The following IQCM variants were observed in gnomAD, a reference collection of about 807,000 sequenced individuals.
IQCM encodes the protein IQ motif containing M.
Under a neutral mutation model 57.6 loss-of-function variants are expected in IQCM, and 45 were observed. That is an observed-to-expected ratio of 0.78 (90% confidence interval 0.62 to 1.00). IQCM has a LOEUF of 1.00. IQCM is among the 50% of genes least tolerant of loss of function. The pLI is 0.00. For missense variants in IQCM, 468 were observed against 511.6 expected (o/e 0.91, Z 0.82); for synonymous variants, 148 against 158.9 (o/e 0.93, Z 0.51).
At chr4:149,722,410 G>T (rs1350977711) in intron 5 of IQCM, among the ~76,000 whole-genome samples, 2 of 151,956 alleles carry the variant, frequency 1.3e-5, no homozygotes, top group Admixed American at 6.6e-5. Flanking sequence ...TTTCCTTCTA[G>T]AATTTCATGG....
rs796498189 is a variant in IQCM at position 149,435,086 on chromosome 4, GT to G, written c.1229-1530del. Among the ~76,000 whole-genome samples the G allele has an allele frequency of 6.5e-4, 99 of 152,166 alleles. No individual in the cohort carries two copies. The Middle Eastern group carries it at 0.01, about 16-fold the overall frequency. On this transcript the variant is annotated intron_variant, in intron 12 of 13. Transcript: ENST00000636793. ...CAGGTGCTCTGCCTCAGACCAAGGG[GT>G]CCCTATATCTGCTCTTGTCAATTAT...
intron 7 of IQCM, among the ~76,000 whole-genome samples, chr4:149,647,891 A>G (rs1042749479): frequency 2.6e-5 from 4 of 152,136 alleles, no homozygotes; most frequent in African/African-American, 9.7e-5. Flanking sequence ...GGAATGTAAG[A>G]TCTTGGCAGT....
chr4:149,470,249 C>T (rs958076472), intron 12 of IQCM, among the ~76,000 whole-genome samples: 3 of 150,916 alleles, frequency 2.0e-5, no homozygotes, highest in African/African-American at 4.9e-5. Context: ...CAGAGACACA[C>T]ATAGGCTCAA....
chr4:149,656,373 A>G (rs1476507037), intron 7 of IQCM, among the ~76,000 whole-genome samples: 2 of 152,034 alleles, frequency 1.3e-5, no homozygotes, highest in African/African-American at 4.8e-5. Context: ...CACACCAATA[A>G]ATAAAAATAT....
chr4:149,667,084 G>A (rs1484909134), intron 7 of IQCM, among the ~76,000 whole-genome samples: 1 of 152,166 alleles, frequency 6.6e-6, no homozygotes, highest in African/African-American at 2.4e-5. Context: ...CTGCTAAGGG[G>A]ACAGACTGCC....
chr4:149,354,187 AC>A (rs1161303979), intron 13 of IQCM, among the ~76,000 whole-genome samples: 1 of 149,490 alleles, frequency 6.7e-6, no homozygotes, highest in African/African-American at 2.5e-5. Flanking sequence ...AAACGGTGAA[AC>A]CCCGTCTCTA....
intron 8 of IQCM, among the ~76,000 whole-genome samples, chr4:149,606,670 T>C (rs1039772594): frequency 3.3e-5 from 5 of 152,042 alleles, no homozygotes; most frequent in Non-Finnish European, 7.4e-5. Context: ...AGATAACACA[T>C]AGAAGGAATT....
intron 7 of IQCM, among the ~76,000 whole-genome samples, chr4:149,670,952 T>G (rs1472661775): frequency 3.3e-5 from 5 of 152,030 alleles, no homozygotes; most frequent in Admixed American, 1.3e-4. Flanking sequence ...TTTTTTTTTT[T>G]TTGTTGTGTC....
At chr4:149,380,460 T>G (rs987676996) in intron 13 of IQCM, among the ~76,000 whole-genome samples, 1 of 152,096 alleles carries the variant, frequency 6.6e-6, no homozygotes, top group Non-Finnish European at 1.5e-5. Flanking sequence ...TAGGAAAATT[T>G]TGCTCATAAT....
At chr4:149,618,155 T>C (rs1755963814) in intron 8 of IQCM, among the ~76,000 whole-genome samples, 1 of 152,088 alleles carries the variant, frequency 6.6e-6, no homozygotes, top group African/African-American at 2.4e-5. Flanking sequence ...CAAAAATAGA[T>C]ACATACATCA....
In IQCM at chr4:149,394,819, TC is replaced by T. The variant is rs547188979; in HGVS notation, c.1390+38576del. Among the ~76,000 whole-genome samples, 798 of 152,168 alleles carry T rather than the reference TC, an allele frequency of 5.2e-3. 4 individuals carry two copies. Among genetic ancestry groups the T allele is most frequent in the Non-Finnish European group, 9.0e-3 (615 of 67,968 alleles). On this transcript the variant is annotated intron_variant, in intron 13 of 13. Coordinates refer to ENST00000636793, the MANE Select transcript of IQCM (RefSeq NM_001363507.2). Reference sequence around the variant, plus strand: ...TAGTTTTGTATATCTAATCTCTTCATCTTGGGGAAATATTAATTTGAATATT... The same window carrying T: ...TAGTTTTGTATATCTAATCTCTTCATTTGGGGAAATATTAATTTGAATATT...
chr4:149,377,809 A>G (rs1730798567), intron 13 of IQCM, among the ~76,000 whole-genome samples: 1 of 152,122 alleles, frequency 6.6e-6, no homozygotes, highest in African/African-American at 2.4e-5. Context: ...AGCCCATGAA[A>G]ATCAGCAAAT....
intron 12 of IQCM, among the ~76,000 whole-genome samples, chr4:149,480,089 C>T (rs1189288722): frequency 6.6e-6 from 1 of 152,182 alleles, no homozygotes; most frequent in Non-Finnish European, 1.5e-5. Flanking sequence ...CTTCAAACAT[C>T]ATAAGCATTG....
At chr4:149,455,337 G>A (rs2149701195) in intron 12 of IQCM, among the ~76,000 whole-genome samples, 1 of 152,088 alleles carries the variant, frequency 6.6e-6, no homozygotes, top group Non-Finnish European at 1.5e-5. Flanking sequence ...ATGTTGTGGG[G>A]GAAGCCCAAC....
At chr4:149,466,293 G>A (rs1738850984) in intron 12 of IQCM, among the ~76,000 whole-genome samples, 1 of 152,110 alleles carries the variant, frequency 6.6e-6, no homozygotes, top group Non-Finnish European at 1.5e-5. Flanking sequence ...CTTCATTTTG[G>A]ATCATAATTG....
intron 3 of IQCM, among the ~76,000 whole-genome samples, chr4:149,738,507 C>A (rs908336987): frequency 6.6e-6 from 1 of 152,126 alleles, no homozygotes. Context: ...ACCTGTGGAC[C>A]GTGGAGAAAC....
At chr4:149,412,866 G>A (rs1733485983) in intron 13 of IQCM, among the ~76,000 whole-genome samples, 2 of 152,162 alleles carry the variant, frequency 1.3e-5, no homozygotes, top group Admixed American at 1.3e-4. Context: ...GGGAACATGT[G>A]CTAAGGCATG....
chr4:149,511,920 CTTTA>C (rs1284929423), intron 12 of IQCM, among the ~76,000 whole-genome samples: 1 of 152,118 alleles, frequency 6.6e-6, no homozygotes, highest in African/African-American at 2.4e-5. Context: ...TTATGCATGC[CTTTA>C]TTCATTCATT....
intron 7 of IQCM, among the ~76,000 whole-genome samples, chr4:149,670,591 C>T (rs1253326065): frequency 6.6e-6 from 1 of 152,126 alleles, no homozygotes; most frequent in African/African-American, 2.4e-5. Flanking sequence ...TTTGCTCATT[C>T]AGTATCATAT....
Sources: allele counts gnomAD v4.1 joint callset (sites outside exome capture counted in the v4.1 genomes callset), GRCh38; gene constraint gnomAD v4.1.1; transcripts MANE v1.5; gene names NCBI Gene and HGNC (gene_info 2026-07-23, HGNC 2026-07-21).